Variants in MACF1 observed in about 807,000 individuals in gnomAD.
MACF1 encodes microtubule-actin cross-linking factor 1.
In MACF1, 193 loss-of-function variants were observed where a neutral mutation model predicts 854.8. That is an observed-to-expected ratio of 0.23 (90% CI 0.20 to 0.25). MACF1 has a LOEUF of 0.25. MACF1 is among the 10% of genes least tolerant of loss of function. The pLI is 1.00. For missense variants in MACF1, 7,722 were observed against 8,929.1 expected, an observed-to-expected ratio of 0.86 and a Z score of 5.45; for synonymous variants, 3,185 against 3,226.7, an observed-to-expected ratio of 0.99 and a Z score of 0.44.
At chr1:39,317,080 C>T in intron 28 of MACF1, 134 bp from the exon 29 acceptor site, 2 of 903,794 alleles carry the variant, frequency 2.2e-6, no homozygotes, top group Admixed American at 2.9e-5. Context: ...GCAGTCCTGG[C>T]ACAAACATTC....
chr1:39,134,044 T>TA (rs1229911491), intron 2 of MACF1, among the ~76,000 whole-genome samples: 1 of 137,122 alleles, frequency 7.3e-6, no homozygotes, highest in Non-Finnish European at 1.6e-5. Context: ...CTTTTTTTTT[T>TA]TTTTTTTTTT....
intron 58 of MACF1, among the ~76,000 whole-genome samples, chr1:39,416,504 AAAC>A (rs927033762): frequency 6.6e-6 from 1 of 152,164 alleles, no homozygotes; most frequent in African/African-American, 2.4e-5. Flanking sequence ...AAAAAAAAAA[AAAC>A]AGAATATCTC....
At chr1:39,233,952 G>C (rs1308496930) in intron 2 of MACF1, among the ~76,000 whole-genome samples, 1 of 144,510 alleles carries the variant, frequency 6.9e-6, no homozygotes, top group East Asian at 2.0e-4. Context: ...CGCAGTGTTT[G>C]TGTCCCTGGG....
At chr1:39,459,984 A>G (rs1042425222) in intron 91 of MACF1, among the ~76,000 whole-genome samples, 2 of 152,216 alleles carry the variant, frequency 1.3e-5, no homozygotes, top group Non-Finnish European at 1.5e-5. Flanking sequence ...TTTTGAGTGT[A>G]TATCATTAAC....
At chr1:39,380,169 C>T in intron 54 of MACF1, 75 bp from the exon 55 acceptor site, 2 of 1,496,136 alleles carry the variant, frequency 1.3e-6, no homozygotes, top group Non-Finnish European at 1.8e-6. Context: ...CCCAGTTTTC[C>T]AATCATTTCT....
intron 11 of MACF1, 54 bp downstream of exon 11, chr1:39,284,482 T>C: frequency 5.1e-6 from 6 of 1,182,432 alleles, no homozygotes; most frequent in South Asian, 3.4e-5. Context: ...TGTACTGTTG[T>C]TGCTTCTTGA....
At chr1:39,473,282 G>A (rs1644812050) in intron 97 of MACF1, among the ~76,000 whole-genome samples, 1 of 152,160 alleles carries the variant, frequency 6.6e-6, no homozygotes, top group Admixed American at 6.5e-5. Context: ...GGGGCTAACA[G>A]GGTCATGATA....
intron 70 of MACF1, chr1:39,436,411 G>C (rs2148658502): frequency 6.4e-7 from 1 of 1,554,734 alleles, no homozygotes; most frequent in East Asian, 2.2e-5. Context: ...ACTTTGTGTT[G>C]TTGCTGCCTG....
Position 39,334,026 on chromosome 1 carries a change from G to A in MACF1, c.7438G>A (p.Val2480Ile), listed in dbSNP as rs1222363256. The A allele has an allele frequency of 1.9e-6, 3 of 1,614,062 alleles. No homozygotes were observed. Among genetic ancestry groups the A allele is most frequent in the Non-Finnish European group, 1.7e-6 (2 of 1,180,022 alleles). The part of the protein sequence containing the change: ...IDPDSKAPLT[V>I]VQSIDRGLLE... Reference sequence around the variant, plus strand: ...CCCTGATAGTAAAGCACCTTTAACAGTTGTGCAGTCCATTGACAGAGGTCT... The same window carrying A: ...CCCTGATAGTAAAGCACCTTTAACAATTGTGCAGTCCATTGACAGAGGTCT... Residue 2480 changes from valine (V) to isoleucine (I), a missense_variant, in exon 37 of 101, where the codon GTT becomes ATT. Physicochemically the swap from Val to Ile is conservative, Grantham distance 29. Coordinates refer to ENST00000564288, the MANE Select transcript of MACF1 (RefSeq NM_001394062.1).
chr1:39,164,171 A>G (rs1643861642), intron 2 of MACF1, among the ~76,000 whole-genome samples: 1 of 152,054 alleles, frequency 6.6e-6, no homozygotes. Flanking sequence ...CTAATTTTTC[A>G]CTGCTATGAT....
rs772529316 is a variant in MACF1, at chr1:39,316,440, T to C, written c.3499T>C (p.Leu1167=). 1.2e-6 allele frequency: 2 copies of C among 1,614,040 alleles called. No individual in the cohort carries two copies. Among genetic ancestry groups the C allele is most frequent in the South Asian group, 2.2e-5 (2 of 91,076 alleles). Residue 1167 remains leucine (L), a synonymous_variant, in exon 28 of 101, where the codon TTG becomes CTG. Coordinates refer to ENST00000564288, the MANE Select transcript of MACF1 (RefSeq NM_001394062.1). ...IVRSIQDAEL[L]VKGYEIKLSQ... The stretch of plus-strand genomic sequence containing the variant: ...ACGTAGCATACAGGATGCTGAACTC[T>C]TGGTCAAAGGTTATGAGATTAAGCT...
Position 39,332,972 on chromosome 1 carries a change from G to A in MACF1, c.6384G>A (p.Arg2128=). 6.2e-7 allele frequency: 1 copy of A among 1,614,090 alleles called. No individual in the cohort carries two copies. Among genetic ancestry groups the A allele is most frequent in the Non-Finnish European group, 8.5e-7 (1 of 1,180,032 alleles). The stretch of plus-strand genomic sequence containing the variant: ...TGTCTGTCAGAGAAAATGCCAGCAG[G>A]GGACACCTCCTGACCATACCTCCTG... The part of the protein sequence containing the change: ...TAVSVRENAS[R]GHLLTIPPAE... The change falls in exon 37 of 101, where the codon AGG becomes AGA. Residue 2128 remains arginine (R), a synonymous_variant. Transcript: ENST00000564288.
intron 2 of MACF1, among the ~76,000 whole-genome samples, chr1:39,152,925 A>C (rs916480202): frequency 3.9e-5 from 6 of 151,980 alleles, no homozygotes; most frequent in African/African-American, 1.4e-4. Context: ...AGAACAGCCC[A>C]GGTGAGTTGA....
At chr1:39,371,058 C>T (rs553752298) in intron 51 of MACF1, among the ~76,000 whole-genome samples, 8 of 152,146 alleles carry the variant, frequency 5.3e-5, no homozygotes, top group East Asian at 3.9e-4. Flanking sequence ...AGTGGCTCAA[C>T]GCCTGTAATA....
intron 2 of MACF1, among the ~76,000 whole-genome samples, chr1:39,124,590 TTTTC>T (rs1199147731): frequency 6.6e-6 from 1 of 152,184 alleles, no homozygotes; most frequent in Non-Finnish European, 1.5e-5. Context: ...CTCTTCCTCT[TTTTC>T]TCTTTATCTC....
intron 6 of MACF1, among the ~76,000 whole-genome samples, chr1:39,263,777 T>TC (rs1439454929): frequency 2.3e-5 from 3 of 131,604 alleles, no homozygotes; most frequent in African/African-American, 6.0e-5. Flanking sequence ...TTTTCTTTTT[T>TC]TTTTTTTTTT....
rs533231728 is a variant in MACF1, at chr1:39,315,923, A to G, written c.3449+232A>G. Among the ~76,000 whole-genome samples, 77 of 152,332 alleles carry G rather than the reference A, an allele frequency of 5.1e-4. 1 individual carries two copies. Among genetic ancestry groups the G allele is most frequent in the South Asian group, 2.3e-3 (11 of 4,830 alleles). The stretch of plus-strand genomic sequence containing the variant: ...GGAATTAATTTGCAGTGTTGGGACT[A>G]TGATTTACCTCACTTCTGTTTGATT... On this transcript the variant is annotated intron_variant, in intron 27 of 100. Transcript: ENST00000564288.
At chr1:39,347,598 C>T (rs376615972) in intron 41 of MACF1, among the ~76,000 whole-genome samples, 10 of 152,216 alleles carry the variant, frequency 6.6e-5, no homozygotes, top group East Asian at 5.8e-4. Flanking sequence ...TCTAGATACC[C>T]TGAGCTCTTG....
intron 2 of MACF1, among the ~76,000 whole-genome samples, chr1:39,123,725 T>G (rs1027372892): frequency 2.2e-4 from 30 of 138,998 alleles, no homozygotes; most frequent in African/African-American, 8.0e-4. Context: ...TTGTTTTTTT[T>G]TTTTTTTTTT....
Sources: gnomAD v4.1 joint callset for allele counts (sites outside exome capture counted in the v4.1 genomes callset) on GRCh38, gnomAD v4.1.1 for gene constraint, MANE v1.5 for transcripts, NCBI Gene and HGNC (gene_info 2026-07-23, HGNC 2026-07-21) for gene names.